The following PDE8B variants were observed in gnomAD, a reference collection of about 807,000 sequenced individuals.
PDE8B encodes the protein high affinity cAMP-specific and IBMX-insensitive 3',5'-cyclic phosphodiesterase 8B.
In PDE8B, 26 loss-of-function variants were observed where a neutral mutation model predicts 101.3. That is an observed-to-expected ratio of 0.26 (90% CI 0.19 to 0.36). The LOEUF (loss-of-function observed/expected upper bound fraction) is 0.36, where lower values mean the gene tolerates loss of function less well. Ranked by LOEUF, PDE8B falls within the 10% of genes least tolerant of loss-of-function variation. The pLI is 1.00. For missense variants in PDE8B, 810 were observed against 1,163.1 expected (o/e 0.70, Z 4.42); for synonymous variants, 424 against 429.3 (o/e 0.99, Z 0.15).
chr5:77,090,292 T>G, the PDE8B span, among the ~76,000 whole-genome samples: 1 of 152,160 alleles, frequency 6.6e-6, no homozygotes, highest in African/African-American at 2.4e-5. Flanking sequence ...CAGGCTGGAG[T>G]GCAGTGGCAC....
chr5:77,123,554 T>C, the PDE8B span, among the ~76,000 whole-genome samples: 9 of 151,916 alleles, frequency 5.9e-5, no homozygotes, highest in Non-Finnish European at 1.2e-4. Flanking sequence ...GCCCAGGAAT[T>C]TGAGACCAGC....
chr5:77,324,336 G>A lies in PDE8B; in HGVS notation c.400-1203G>A, dbSNP rs141847742. Among the ~76,000 whole-genome samples, 3 of 152,244 alleles carry A rather than the reference G, an allele frequency of 2.0e-5. No homozygotes were observed. The East Asian group carries it at 5.8e-4, about 29-fold the overall frequency. On this transcript the variant is annotated intron_variant, in intron 2 of 21. Transcript: ENST00000264917. Reference sequence around the variant, plus strand: ...TTTGCTGAACATCTAGGAAGTGCCAGCCTGGTGCTGGGCATGGGGGGTACA... The same window carrying A: ...TTTGCTGAACATCTAGGAAGTGCCAACCTGGTGCTGGGCATGGGGGGTACA...
At chr5:77,380,216 A>G (rs1001761154) in intron 10 of PDE8B, among the ~76,000 whole-genome samples, 3 of 152,250 alleles carry the variant, frequency 2.0e-5, no homozygotes, top group Non-Finnish European at 4.4e-5. Context: ...ATTCTTCTAT[A>G]TAAAATCAAG....
At chr5:77,113,713 A>G in the PDE8B span, 1 of 152,278 alleles carries the variant, frequency 6.6e-6, no homozygotes, top group Non-Finnish European at 1.5e-5. Context: ...AACTATCATT[A>G]GAGTGAACAA....
At chr5:77,148,726 G>T in the PDE8B span, among the ~76,000 whole-genome samples, 1 of 152,052 alleles carries the variant, frequency 6.6e-6, no homozygotes, top group East Asian at 1.9e-4. Flanking sequence ...AAATCGAGTT[G>T]TTTTTCTTAT....
At chr5:77,351,255 C>T (rs1781075704) in intron 9 of PDE8B, 102 bp downstream of exon 9, 1 of 869,974 alleles carries the variant, frequency 1.1e-6, no homozygotes. Flanking sequence ...TCCACAAATG[C>T]AGTAGGGTTG....
intron 1 of PDE8B, among the ~76,000 whole-genome samples, chr5:77,234,432 TA>T (rs1422208922): frequency 6.6e-6 from 1 of 152,126 alleles, no homozygotes; most frequent in Non-Finnish European, 1.5e-5. Context: ...CTCCCCTCGT[TA>T]ATATCCTAGC....
intron 7 of PDE8B, 120 bp downstream of exon 7, chr5:77,345,051 A>G (rs1346428232): frequency 1.1e-5 from 8 of 750,252 alleles, no homozygotes; most frequent in Middle Eastern, 2.3e-4. Context: ...CTTAGGAGAA[A>G]TAAATATCAA....
chr5:77,381,863 A>G (rs945430753), intron 10 of PDE8B, among the ~76,000 whole-genome samples: 1 of 152,326 alleles, frequency 6.6e-6, no homozygotes, highest in African/African-American at 2.4e-5. Context: ...TAGGTCTTAC[A>G]CTTGGTAGAT....
At chr5:77,347,174 T>G (rs897822892) in intron 7 of PDE8B, among the ~76,000 whole-genome samples, 4 of 152,242 alleles carry the variant, frequency 2.6e-5, no homozygotes, top group East Asian at 1.9e-4. Flanking sequence ...TGCCATATAC[T>G]AGGCTCAGTT....
chr5:77,195,670 A>G, the PDE8B span, among the ~76,000 whole-genome samples: 1 of 152,186 alleles, frequency 6.6e-6, no homozygotes, highest in Non-Finnish European at 1.5e-5. Context: ...CCTTCCCAAT[A>G]ACAAAAAGTC....
At chr5:77,412,329 T>C (rs1794724822) in intron 16 of PDE8B, 94 bp downstream of exon 16, 1 of 1,308,034 alleles carries the variant, frequency 7.6e-7, no homozygotes, top group African/African-American at 1.4e-5. Context: ...GTTTTTGCTG[T>C]GAGAGACCTC....
intron 10 of PDE8B, among the ~76,000 whole-genome samples, chr5:77,376,404 G>C (rs1355166241): frequency 6.6e-6 from 1 of 152,150 alleles, no homozygotes; most frequent in East Asian, 1.9e-4. Context: ...TCACATCCCA[G>C]TGCCTAGAAA....
chr5:77,161,369 C>A, the PDE8B span, among the ~76,000 whole-genome samples: 1 of 152,022 alleles, frequency 6.6e-6, no homozygotes, highest in Non-Finnish European at 1.5e-5. Context: ...TCCTTTTTAT[C>A]GTTGTATAGT....
the PDE8B span, among the ~76,000 whole-genome samples, chr5:77,135,305 C>A: frequency 6.6e-6 from 1 of 152,162 alleles, no homozygotes; most frequent in Non-Finnish European, 1.5e-5. Flanking sequence ...CCCAATAAAT[C>A]TCTTGACTAC....
At chr5:77,136,658 C>T in the PDE8B span, among the ~76,000 whole-genome samples, 1 of 152,114 alleles carries the variant, frequency 6.6e-6, no homozygotes, top group Non-Finnish European at 1.5e-5. Flanking sequence ...ACTCAGATGT[C>T]AATATCTGTT....
At chr5:77,422,120 CT>C (rs1796778020) in intron 20 of PDE8B, 132 bp downstream of exon 20, 1 of 979,616 alleles carries the variant, frequency 1.0e-6, no homozygotes, top group South Asian at 1.4e-5. Context: ...AAGAAAGCAG[CT>C]TACCCCCACC....
the PDE8B span, among the ~76,000 whole-genome samples, chr5:77,137,240 C>A: frequency 3.3e-5 from 5 of 152,202 alleles, no homozygotes; most frequent in Admixed American, 3.3e-4. Context: ...TAAAAGAGAG[C>A]ATGCCTAATT....
chr5:77,309,941 A>ACCTTTTTTTTTTTTTT (rs772985826), intron 1 of PDE8B, among the ~76,000 whole-genome samples: 2 of 83,114 alleles, frequency 2.4e-5, no homozygotes, highest in South Asian at 9.0e-4. Context: ...TTAATCATTA[A>ACCTTTTTTTTTTTTTT]TCTTTTTTTT....
Sources: allele counts gnomAD v4.1 joint callset (sites outside exome capture counted in the v4.1 genomes callset), GRCh38; gene constraint gnomAD v4.1.1; transcripts MANE v1.5; gene names NCBI Gene and HGNC (gene_info 2026-07-23, HGNC 2026-07-21).